PPARGC1A: variants seen among roughly 807,000 people sequenced by gnomAD.
PPARGC1A encodes the protein peroxisome proliferator-activated receptor gamma coactivator 1-alpha.
A neutral mutation model predicts 88.7 loss-of-function variants in PPARGC1A; 25 were observed. The observed-to-expected ratio is 0.28, with a 90% confidence interval of 0.21 to 0.39. The LOEUF is 0.39. Among genes scored for constraint, PPARGC1A ranks in the 10% least tolerant of loss-of-function variants. The pLI is 1.00. For synonymous variants in PPARGC1A, 363 were observed against 355.6 expected, an observed-to-expected ratio of 1.02 and a Z score of -0.24; for missense variants, 880 against 968.7, an observed-to-expected ratio of 0.91 and a Z score of 1.22.
At chr4:24,107,598 A>C in the PPARGC1A span, among the ~76,000 whole-genome samples, 1 of 152,210 alleles carries the variant, frequency 6.6e-6, no homozygotes, top group Non-Finnish European at 1.5e-5. Flanking sequence ...CAAAAACACA[A>C]TTTGGAAGTG....
the PPARGC1A span, among the ~76,000 whole-genome samples, chr4:24,133,881 C>A: frequency 6.6e-6 from 1 of 152,122 alleles, no homozygotes; most frequent in Admixed American, 6.5e-5. Context: ...TTGAGGTTTA[C>A]CCTTAAATCC....
At chr4:23,846,070 A>G (rs889290349) in intron 2 of PPARGC1A, among the ~76,000 whole-genome samples, 2 of 152,224 alleles carry the variant, frequency 1.3e-5, no homozygotes, top group African/African-American at 4.8e-5. Flanking sequence ...AGTGAGTTTG[A>G]TAACAGGATA....
chr4:24,413,240 A>ATTTTTT, the PPARGC1A span, among the ~76,000 whole-genome samples: 3 of 141,070 alleles, frequency 2.1e-5, no homozygotes, highest in African/African-American at 7.9e-5. Flanking sequence ...GCCTGGCTTC[A>ATTTTTT]TTTTTTTTTT....
At chr4:24,019,323 C>T in the PPARGC1A span, among the ~76,000 whole-genome samples, 2 of 151,960 alleles carry the variant, frequency 1.3e-5, no homozygotes, top group Non-Finnish European at 2.9e-5. Context: ...CAGGTTCTGG[C>T]TAAACACTTT....
At chr4:24,159,018 G>A in the PPARGC1A span, among the ~76,000 whole-genome samples, 1 of 151,862 alleles carries the variant, frequency 6.6e-6, no homozygotes, top group East Asian at 1.9e-4. Flanking sequence ...GTACAATAAC[G>A]GTACTTAATA....
chr4:23,808,103 T>C (rs980496124), intron 10 of PPARGC1A, among the ~76,000 whole-genome samples: 1 of 151,806 alleles, frequency 6.6e-6, no homozygotes, highest in Non-Finnish European at 1.5e-5. Context: ...TACAAAAAAT[T>C]AGCCGGGCGT....
the PPARGC1A span, among the ~76,000 whole-genome samples, chr4:24,412,973 C>G: frequency 3.3e-5 from 5 of 152,214 alleles, no homozygotes; most frequent in African/African-American, 1.2e-4. Context: ...CGATTAGAAG[C>G]ATCCTCTCAA....
At chr4:23,843,489 G>A (rs928910957) in intron 2 of PPARGC1A, among the ~76,000 whole-genome samples, 1 of 151,850 alleles carries the variant, frequency 6.6e-6, no homozygotes, top group Admixed American at 6.6e-5. Context: ...TATATAGTGA[G>A]GATTTATCTT....
At chr4:24,341,197 T>G in the PPARGC1A span, among the ~76,000 whole-genome samples, 1 of 150,310 alleles carries the variant, frequency 6.7e-6, no homozygotes, top group Non-Finnish European at 1.5e-5. Flanking sequence ...ACTTTAGCAA[T>G]TAAAAACTTA....
the PPARGC1A span, among the ~76,000 whole-genome samples, chr4:24,066,849 G>GTTTTTTTTTTTT: frequency 2.0e-5 from 2 of 100,880 alleles, no homozygotes; most frequent in Non-Finnish European, 1.9e-5. Context: ...TTTGTTTTGG[G>GTTTTTTTTTTTT]TTTTTTTTTT....
chr4:24,116,184 T>C, the PPARGC1A span, among the ~76,000 whole-genome samples: 1 of 152,346 alleles, frequency 6.6e-6, no homozygotes. Flanking sequence ...TTATTTTATC[T>C]TGGATAACCA....
chr4:24,216,636 A>T, the PPARGC1A span, among the ~76,000 whole-genome samples: 1 of 152,168 alleles, frequency 6.6e-6, no homozygotes. Context: ...CTTCCATGAA[A>T]CATAGCTTCC....
the PPARGC1A span, among the ~76,000 whole-genome samples, chr4:23,943,721 A>T: frequency 6.6e-6 from 1 of 152,156 alleles, no homozygotes; most frequent in Non-Finnish European, 1.5e-5. Context: ...TGCAGTGGAG[A>T]ACCCTGGCAC....
the PPARGC1A span, among the ~76,000 whole-genome samples, chr4:23,933,919 C>A: frequency 1.3e-5 from 2 of 152,194 alleles, no homozygotes; most frequent in Non-Finnish European, 2.9e-5. Flanking sequence ...GTAATGTGTC[C>A]TGTGTGTCTC....
chr4:23,898,608 A>T (rs1279792837), intron 1 of PPARGC1A, among the ~76,000 whole-genome samples: 1 of 152,220 alleles, frequency 6.6e-6, no homozygotes, highest in Admixed American at 6.5e-5. Context: ...TCCTGCAACC[A>T]GGAAGAAGAA....
At chr4:24,407,347 A>G in the PPARGC1A span, among the ~76,000 whole-genome samples, 1 of 152,240 alleles carries the variant, frequency 6.6e-6, no homozygotes, top group African/African-American at 2.4e-5. Flanking sequence ...TAGCACTAAC[A>G]TGAAACGAGG....
chr4:24,059,195 A>G, the PPARGC1A span, among the ~76,000 whole-genome samples: 1 of 152,212 alleles, frequency 6.6e-6, no homozygotes, highest in South Asian at 2.1e-4. Context: ...ATAATGATTT[A>G]CCAAAAGCAA....
At chr4:23,983,933 G>A in the PPARGC1A span, among the ~76,000 whole-genome samples, 1 of 151,850 alleles carries the variant, frequency 6.6e-6, no homozygotes, top group Non-Finnish European at 1.5e-5. Context: ...GTTCTACATG[G>A]CTAACACAGT....
At chr4:23,909,809 G>A in the PPARGC1A span, among the ~76,000 whole-genome samples, 2 of 151,392 alleles carry the variant, frequency 1.3e-5, no homozygotes, top group Admixed American at 6.6e-5. Context: ...GTAGACATTT[G>A]GTAAATGTTA....
Sources: gnomAD v4.1 joint callset for allele counts (sites outside exome capture counted in the v4.1 genomes callset) on GRCh38, gnomAD v4.1.1 for gene constraint, MANE v1.5 for transcripts, NCBI Gene and HGNC (gene_info 2026-07-23, HGNC 2026-07-21) for gene names.